The following CCDC91 variants were observed in gnomAD, a reference collection of about 807,000 sequenced individuals.
The protein encoded by CCDC91 is coiled-coil domain-containing protein 91.
CCDC91 carries 48 observed loss-of-function variants against 63.2 expected under a neutral mutation model. The ratio of observed to expected loss-of-function variants is 0.76; its 90% CI spans 0.60 to 0.97. CCDC91 has a LOEUF of 0.97. Ranked by LOEUF, CCDC91 falls within the 50% of genes least tolerant of loss-of-function variation. The pLI is 0.00. For synonymous variants in CCDC91, 167 were observed against 165.8 expected, an observed-to-expected ratio of 1.01 and a Z score of -0.06; for missense variants, 500 against 494.6, an observed-to-expected ratio of 1.01 and a Z score of -0.10.
intron 1 of CCDC91, among the ~76,000 whole-genome samples, chr12:28,247,439 C>T (rs1308417953): frequency 6.8e-6 from 1 of 147,422 alleles, no homozygotes; most frequent in Non-Finnish European, 1.5e-5. Context: ...GAGACCGGGC[C>T]ACTGCACTCC....
At chr12:28,296,885 G>T (rs1949593129) in intron 3 of CCDC91, among the ~76,000 whole-genome samples, 1 of 151,770 alleles carries the variant, frequency 6.6e-6, no homozygotes, top group Non-Finnish European at 1.5e-5. Context: ...ATTTTCAAAG[G>T]TGTCAGCAAT....
intron 6 of CCDC91, among the ~76,000 whole-genome samples, chr12:28,317,168 C>T (rs1339016420): frequency 6.6e-6 from 1 of 151,904 alleles, no homozygotes. Flanking sequence ...TTTGTCTTCA[C>T]CTGTTCATAT....
intron 1 of CCDC91, among the ~76,000 whole-genome samples, chr12:28,203,831 G>A (rs1942645503): frequency 2.0e-5 from 3 of 152,084 alleles, no homozygotes; most frequent in Non-Finnish European, 4.4e-5. Flanking sequence ...GAAATCTTCA[G>A]TTTAGGCTTG....
intron 8 of CCDC91, among the ~76,000 whole-genome samples, chr12:28,435,760 A>G (rs1192719243): frequency 6.6e-6 from 1 of 151,782 alleles, no homozygotes; most frequent in African/African-American, 2.4e-5. Flanking sequence ...CAGTTCTATC[A>G]GCTTTTTCTC....
At chr12:28,241,177 A>G (rs1437606388) in intron 1 of CCDC91, among the ~76,000 whole-genome samples, 1 of 152,134 alleles carries the variant, frequency 6.6e-6, no homozygotes, top group East Asian at 1.9e-4. Context: ...CTTAGTTGCT[A>G]TCCCCTTTGT....
chr12:28,448,239 C>T (rs1306359783), intron 8 of CCDC91, among the ~76,000 whole-genome samples: 12 of 152,020 alleles, frequency 7.9e-5, no homozygotes, highest in Non-Finnish European at 5.9e-5. Flanking sequence ...TGGAAGAATT[C>T]GGCAGTTTGT....
At chr12:28,283,037 C>T (rs2136614091) in intron 3 of CCDC91, among the ~76,000 whole-genome samples, 1 of 152,126 alleles carries the variant, frequency 6.6e-6, no homozygotes, top group Admixed American at 6.5e-5. Context: ...GGCTGTATTT[C>T]TAGGTTCTCC....
intron 6 of CCDC91, among the ~76,000 whole-genome samples, chr12:28,329,861 T>C (rs1235705558): frequency 2.6e-5 from 4 of 151,980 alleles, no homozygotes; most frequent in Non-Finnish European, 4.4e-5. Flanking sequence ...TGAGAACATG[T>C]GGTGTTTGAT....
chr12:28,223,690 T>C (rs1324224161), intron 1 of CCDC91, among the ~76,000 whole-genome samples: 1 of 152,246 alleles, frequency 6.6e-6, no homozygotes, highest in African/African-American at 2.4e-5. Flanking sequence ...GTGATGCTGC[T>C]ACTGATGCAA....
chr12:28,214,229 A>G (rs562600398), intron 1 of CCDC91, among the ~76,000 whole-genome samples: 1 of 152,220 alleles, frequency 6.6e-6, no homozygotes, highest in East Asian at 1.9e-4. Context: ...CAAAGAAGAG[A>G]GTTACTGTGC....
intron 6 of CCDC91, among the ~76,000 whole-genome samples, chr12:28,350,813 C>T (rs1943131964): frequency 1.3e-5 from 2 of 152,308 alleles, no homozygotes; most frequent in South Asian, 4.1e-4. Context: ...CTATCTTCTC[C>T]TGGCCCTCTT....
At chr12:28,360,068 A>G (rs1943778938) in intron 6 of CCDC91, among the ~76,000 whole-genome samples, 1 of 152,238 alleles carries the variant, frequency 6.6e-6, no homozygotes, top group Non-Finnish European at 1.5e-5. Context: ...ATGGGAAACT[A>G]TCTTAAAGTA....
intron 3 of CCDC91, among the ~76,000 whole-genome samples, chr12:28,290,943 T>G (rs1949209865): frequency 6.6e-6 from 1 of 152,222 alleles, no homozygotes; most frequent in Non-Finnish European, 1.5e-5. Context: ...TACTGTACTC[T>G]TATGGCAGAA....
chr12:28,256,215 A>T (rs1431158690), intron 1 of CCDC91: 5 of 152,172 alleles, frequency 3.3e-5, no homozygotes, highest in Admixed American at 3.3e-4. Flanking sequence ...TTATTTTGTC[A>T]TATGGTCACT....
intron 8 of CCDC91, among the ~76,000 whole-genome samples, chr12:28,420,686 A>G (rs1025129274): frequency 6.6e-6 from 1 of 151,672 alleles, no homozygotes; most frequent in Non-Finnish European, 1.5e-5. Context: ...TCCTTTTCCC[A>G]TACTTGCAAT....
intron 11 of CCDC91, among the ~76,000 whole-genome samples, chr12:28,477,172 AG>A (rs1446664727): frequency 2.0e-5 from 3 of 152,100 alleles, no homozygotes; most frequent in African/African-American, 7.2e-5. Context: ...CAACAAAAAA[AG>A]GAATTTTAGA....
chr12:28,520,412 G>A (rs1940494615), intron 12 of CCDC91, among the ~76,000 whole-genome samples: 1 of 152,090 alleles, frequency 6.6e-6, no homozygotes, highest in Non-Finnish European at 1.5e-5. Context: ...ACTTTTTGAT[G>A]GGGATGTTTG....
intron 1 of CCDC91, chr12:28,256,145 G>T (rs574531389): frequency 2.0e-5 from 3 of 152,042 alleles, no homozygotes; most frequent in African/African-American, 7.2e-5. Flanking sequence ...TTAGGTTAAG[G>T]GGTACATGTG....
intron 8 of CCDC91, among the ~76,000 whole-genome samples, chr12:28,421,252 G>A (rs1947988311): frequency 6.6e-6 from 1 of 152,096 alleles, no homozygotes; most frequent in Non-Finnish European, 1.5e-5. Context: ...GTGCAGGTTT[G>A]TTATATAGGT....
Sources: gnomAD v4.1 joint callset for allele counts (sites outside exome capture counted in the v4.1 genomes callset) on GRCh38, gnomAD v4.1.1 for gene constraint, MANE v1.5 for transcripts, NCBI Gene and HGNC (gene_info 2026-07-23, HGNC 2026-07-21) for gene names.